Variants in PYGO1 observed in about 807,000 individuals in gnomAD.
PYGO1 encodes the protein pygopus family PHD finger 1.
Under a neutral mutation model 29.5 loss-of-function variants are expected in PYGO1, and 6 were observed. The ratio of observed to expected loss-of-function variants is 0.20; its 90% CI spans 0.11 to 0.40. PYGO1 has a LOEUF of 0.40. Among genes scored for constraint, PYGO1 ranks in the 10% least tolerant of loss-of-function variants. PYGO1 has a pLI of 1.00. For synonymous variants in PYGO1, 186 were observed against 180.5 expected (o/e 1.03, Z -0.24); for missense variants, 515 against 514.9 (o/e 1.00, Z 0.00).
At chr15:55,553,710 C>G (rs1465313348) in intron 1 of PYGO1, among the ~76,000 whole-genome samples, 2 of 152,134 alleles carry the variant, frequency 1.3e-5, no homozygotes, top group Non-Finnish European at 2.9e-5. Flanking sequence ...CGCGCCCAGC[C>G]TCTAGACAGT....
chr15:55,563,940 C>G (rs1021068364), intron 1 of PYGO1, among the ~76,000 whole-genome samples: 3 of 152,076 alleles, frequency 2.0e-5, no homozygotes. Context: ...AAACTGGAAC[C>G]CTCATACTTT....
intron 1 of PYGO1, among the ~76,000 whole-genome samples, chr15:55,563,468 G>A (rs945634615): frequency 1.6e-4 from 24 of 150,326 alleles, no homozygotes; most frequent in Admixed American, 1.1e-3. Context: ...CTGGGTTCAC[G>A]TGATTCTCCT....
At chr15:55,566,074 T>A (rs1271513209) in intron 1 of PYGO1, among the ~76,000 whole-genome samples, 1 of 152,092 alleles carries the variant, frequency 6.6e-6, no homozygotes, top group Non-Finnish European at 1.5e-5. Flanking sequence ...AGCCACCGTG[T>A]CTGGCTTTTA....
At chr15:55,568,384 T>C in intron 1 of PYGO1, among the ~76,000 whole-genome samples, 1 of 145,042 alleles carries the variant, frequency 6.9e-6, no homozygotes, top group Non-Finnish European at 1.5e-5. Context: ...GATTGCTTTC[T>C]TGATGTGGCT....
chr15:55,551,720 T>C (rs2058879642), intron 1 of PYGO1, among the ~76,000 whole-genome samples: 1 of 151,840 alleles, frequency 6.6e-6, no homozygotes, highest in Non-Finnish European at 1.5e-5. Context: ...GGTGGGAGGA[T>C]CTCTTGATCT....
intron 1 of PYGO1, among the ~76,000 whole-genome samples, chr15:55,552,361 C>CAAA (rs56789656): frequency 1.3e-4 from 7 of 52,980 alleles, no homozygotes; most frequent in Admixed American, 2.2e-4. Flanking sequence ...ACTCTGTCTC[C>CAAA]AAAAAAAAAA....
chr15:55,575,891 G>C (rs2058999530), intron 1 of PYGO1, among the ~76,000 whole-genome samples: 1 of 152,090 alleles, frequency 6.6e-6, no homozygotes, highest in Non-Finnish European at 1.5e-5. Context: ...CCCCTCCTCT[G>C]AGTTTGTACA....
intron 1 of PYGO1, among the ~76,000 whole-genome samples, chr15:55,584,349 A>T (rs2059038013): frequency 6.6e-6 from 1 of 151,990 alleles, no homozygotes; most frequent in African/African-American, 2.4e-5. Context: ...GGAGTCAAGT[A>T]ATCCACCTGC....
rs935682074 is a variant in PYGO1 at position 55,539,229 on chromosome 15, G to A, written c.*6794C>T. On this transcript the variant is annotated 3_prime_UTR_variant, in exon 3 of 3. Coordinates refer to ENST00000563719, the MANE Select transcript of PYGO1 (RefSeq NM_001367806.1). ...TTTGGGGAAGAAGGGAATGGGATCA[G>A]AAGACGCAAATTGTGTTAAATATCT... is the stretch of plus-strand genomic sequence containing the variant. The A allele has an allele frequency of 6.6e-6, 1 of 152,132 alleles. No homozygotes were observed. Among genetic ancestry groups the A allele is most frequent in the Non-Finnish European group, 1.5e-5 (1 of 67,988 alleles). 9.4% of individuals were successfully genotyped at this position (152,132 alleles called of 1,614,324 possible). A position where few individuals can be genotyped will look rare whatever the true frequency, so the allele number is the denominator to read the frequency against.
chr15:55,577,285 G>A (rs188082288), intron 1 of PYGO1, among the ~76,000 whole-genome samples: 1 of 152,202 alleles, frequency 6.6e-6, no homozygotes, highest in Non-Finnish European at 1.5e-5. Context: ...CCTATGACCT[G>A]GACGCCTGCC....
At position 55,540,355 on chromosome 15, in the gene PYGO1, G is replaced by C. The variant is rs1387728011; in HGVS notation, c.*5668C>G. 2 of 151,842 alleles carry C rather than the reference G, an allele frequency of 1.3e-5. No homozygotes were observed. Among genetic ancestry groups the C allele is most frequent in the Non-Finnish European group, 2.9e-5 (2 of 67,862 alleles). The allele number at this position is 151,842 out of a possible 1,614,324, so 9.4% of individuals were successfully genotyped here. ...GAAGTGAATGATGTCTTTTTTGGTT[G>C]GGAAATATCAGCACAAGTTAAAAGT... On this transcript the variant is annotated 3_prime_UTR_variant, in exon 3 of 3. Transcript: ENST00000563719.
rs551851197 is a variant in PYGO1 at position 55,553,358 on chromosome 15, T to C, written c.50-4363A>G. Among the ~76,000 whole-genome samples, 11 of 151,936 alleles carry C rather than the reference T, an allele frequency of 7.2e-5. No individual in the cohort carries two copies. In the East Asian group the frequency reaches 2.1e-3, roughly 29 times the overall value. Reference sequence around the variant, plus strand: ...CTGGACAAAGAAGGATTCCCCCCAGTGCAGTACAACTGCTCTATCAAAAAG... The same window carrying C: ...CTGGACAAAGAAGGATTCCCCCCAGCGCAGTACAACTGCTCTATCAAAAAG... On this transcript the variant is annotated intron_variant, in intron 1 of 2. Coordinates refer to ENST00000563719, the MANE Select transcript of PYGO1 (RefSeq NM_001367806.1).
chr15:55,578,596 T>G (rs2059013634), intron 1 of PYGO1, among the ~76,000 whole-genome samples: 3 of 152,334 alleles, frequency 2.0e-5, no homozygotes, highest in African/African-American at 7.2e-5. Flanking sequence ...TGCATTTCCA[T>G]AATGACTAAT....
At chr15:55,558,854 A>T (rs2058919618) in intron 1 of PYGO1, among the ~76,000 whole-genome samples, 1 of 152,016 alleles carries the variant, frequency 6.6e-6, no homozygotes, top group South Asian at 2.1e-4. Flanking sequence ...TAAAGACTTA[A>T]ATATTAGACC....
upstream of PYGO1, chr15:55,588,769 G>A: frequency 6.2e-7 from 1 of 1,606,986 alleles, no homozygotes; most frequent in Non-Finnish European, 8.5e-7. Flanking sequence ...CAGGCGTCTC[G>A]GCCTCGCAGC....
In PYGO1 at chr15:55,544,234, A is replaced by G. The variant is rs1450557297; in HGVS notation, c.*1789T>C. ...GTATTTAAAAAAATAAGTTTTATTCAATCAAAATATGCATCAGGAGCATGA... is the reference window on the plus strand; with the variant it reads ...GTATTTAAAAAAATAAGTTTTATTCGATCAAAATATGCATCAGGAGCATGA... On this transcript the variant is annotated 3_prime_UTR_variant, in exon 3 of 3. Coordinates refer to ENST00000563719, the MANE Select transcript of PYGO1 (RefSeq NM_001367806.1). 1 of 152,234 alleles carries G rather than the reference A, an allele frequency of 6.6e-6. No individual in the cohort carries two copies. The highest frequency in any genetic ancestry group is 1.9e-4 in the East Asian group (1 of 5,202). 9.4% of individuals were successfully genotyped at this position (152,234 alleles called of 1,614,324 possible). A position where few individuals can be genotyped will look rare whatever the true frequency, so the allele number is the denominator to read the frequency against.
rs2058919436 is a variant in PYGO1 at position 55,558,800 on chromosome 15, G to A, written c.50-9805C>T. On this transcript the variant is annotated intron_variant, in intron 1 of 2. Coordinates refer to ENST00000563719, the MANE Select transcript of PYGO1 (RefSeq NM_001367806.1). ...AGCCATATGTAGAAAGCTGAAACTG[G>A]ATCCCTTCCTTACACCTTATACAAA... 2.6e-5 allele frequency among the ~76,000 whole-genome samples: 4 copies of A among 152,088 alleles called. No homozygotes were observed. In the South Asian group the frequency reaches 8.3e-4, roughly 32 times the overall value.
chr15:55,552,575 C>T (rs1372973040), intron 1 of PYGO1, among the ~76,000 whole-genome samples: 2 of 151,870 alleles, frequency 1.3e-5, no homozygotes, highest in East Asian at 3.9e-4. Flanking sequence ...AAAAAAAAAG[C>T]CCCACCTCCA....
In PYGO1 at chr15:55,543,964, T is replaced by A. The variant is rs1319640435; in HGVS notation, c.*2059A>T. Reference sequence around the variant, plus strand: ...TCTTCAAGTACACTACTGAACACCATCAAATGCCTGTCAGCCCAAAATACT... The same window carrying A: ...TCTTCAAGTACACTACTGAACACCAACAAATGCCTGTCAGCCCAAAATACT... On this transcript the variant is annotated 3_prime_UTR_variant, in exon 3 of 3. Transcript: ENST00000563719. 2.0e-5 allele frequency: 3 copies of A among 152,144 alleles called. No homozygotes were observed. Among genetic ancestry groups the A allele is most frequent in the Non-Finnish European group, 4.4e-5 (3 of 68,014 alleles). The allele number at this position is 152,144 out of a possible 1,614,324, so 9.4% of individuals were successfully genotyped here.
Sources: gnomAD v4.1 joint callset for allele counts (sites outside exome capture counted in the v4.1 genomes callset) on GRCh38, gnomAD v4.1.1 for gene constraint, MANE v1.5 for transcripts, NCBI Gene and HGNC (gene_info 2026-07-23, HGNC 2026-07-21) for gene names.